Variants in HDGFL3 observed in about 807,000 individuals in gnomAD.
The protein encoded by HDGFL3 is HDGF like 3.
HDGFL3 carries 6 observed loss-of-function variants against 27.6 expected under a neutral mutation model. That is an observed-to-expected ratio of 0.22 (90% CI 0.12 to 0.43). HDGFL3 has a LOEUF of 0.43. Among genes scored for constraint, HDGFL3 ranks in the 20% least tolerant of loss-of-function variants. The pLI is 1.00. For missense variants in HDGFL3, 207 were observed against 250.1 expected (o/e 0.83, Z 1.16); for synonymous variants, 88 against 88.9 (o/e 0.99, Z 0.05).
chr15:83,125,162 T>A (rs987006772), downstream of HDGFL3, among the ~76,000 whole-genome samples: 3 of 151,840 alleles, frequency 2.0e-5, no homozygotes, highest in Admixed American at 6.6e-5. Context: ...TTCTCAGGAG[T>A]AGGGGCAATG....
chr15:83,207,447 C>T lies in HDGFL3; in HGVS notation c.-33G>A. On this transcript the variant is annotated 5_prime_UTR_variant, in exon 1 of 6. Transcript: ENST00000299633. This position sits in a 1 kb window ranked among gnomAD's most constrained non-coding sequence, Gnocchi z 4.8. ...GCTCCCCTTCCTGGTAGTCCTTGGT[C>T]GCCGCGAAGATGCCGGGAGGCCGCC... 3 of 1,272,152 alleles carry T rather than the reference C, an allele frequency of 2.4e-6. No individual in the cohort carries two copies. Among genetic ancestry groups the T allele is most frequent in the Non-Finnish European group, 3.0e-6 (3 of 999,994 alleles). The allele number at this position is 1,272,152 out of a possible 1,614,324, so 78.8% of individuals were successfully genotyped here.
Position 83,138,180 on chromosome 15 carries a change from C to T in HDGFL3, c.*1090G>A, listed in dbSNP as rs1367158925. 1 of 152,562 alleles carries T rather than the reference C, an allele frequency of 6.6e-6. No individual in the cohort carries two copies. Among genetic ancestry groups the T allele is most frequent in the Non-Finnish European group, 1.5e-5 (1 of 67,978 alleles). The allele number at this position is 152,562 out of a possible 1,614,324, so 9.5% of individuals were successfully genotyped here. A position where few individuals can be genotyped will look rare whatever the true frequency, so the allele number is the denominator to read the frequency against. Reference sequence around the variant, plus strand: ...AACCTCAAATCTTACTCCCAGTACACATTCCAATAAATTTATTCTGTAAAA... The same window carrying T: ...AACCTCAAATCTTACTCCCAGTACATATTCCAATAAATTTATTCTGTAAAA... On this transcript the variant is annotated 3_prime_UTR_variant, in exon 6 of 6. Transcript: ENST00000299633.
At chr15:83,120,104 C>T (rs373489866) in intron 3 of HDGFL3, 11 of 178,964 alleles carry the variant, frequency 6.1e-5, no homozygotes, top group Middle Eastern at 2.5e-3. Flanking sequence ...ATGGCTTGTC[C>T]GTTCACTCCT....
At chr15:83,120,132 C>G in intron 3 of HDGFL3, 1 of 172,948 alleles carries the variant, frequency 5.8e-6, no homozygotes, top group Non-Finnish European at 1.3e-5. Flanking sequence ...CACTCTGCGG[C>G]TGGCCCCTTG....
In HDGFL3 at chr15:83,136,665, T is replaced by A; in HGVS notation, c.*2605A>T. ...ATAAAAACAAAGGCAGAAGAAAAAG[T>A]GGAATAAAAATATTACTTCATGTTC... On this transcript the variant is annotated 3_prime_UTR_variant, in exon 6 of 6. Transcript: ENST00000299633. 3.1e-6 allele frequency: 5 copies of A among 1,592,838 alleles called. No individual in the cohort carries two copies. The highest frequency in any genetic ancestry group is 4.3e-6 in the Non-Finnish European group (5 of 1,174,474).
chr15:83,153,157 G>A (rs900523520), intron 4 of HDGFL3, among the ~76,000 whole-genome samples: 1 of 151,782 alleles, frequency 6.6e-6, no homozygotes, highest in African/African-American at 2.4e-5. Flanking sequence ...CTGCCACCAC[G>A]CCCGGCTAAC....
At chr15:83,172,461 C>T (rs907027625) in intron 1 of HDGFL3, among the ~76,000 whole-genome samples, 2 of 152,082 alleles carry the variant, frequency 1.3e-5, no homozygotes, top group African/African-American at 4.8e-5. Flanking sequence ...TGAAGCCTTA[C>T]CAATAACAAA....
chr15:83,173,238 C>T (rs2037268033), intron 1 of HDGFL3, among the ~76,000 whole-genome samples: 1 of 152,144 alleles, frequency 6.6e-6, no homozygotes, highest in African/African-American at 2.4e-5. Flanking sequence ...ACTTCAAATA[C>T]CCTTACAACC....
In HDGFL3 at chr15:83,132,043, A is replaced by G. The variant is rs1373661738; in HGVS notation, c.*7227T>C. 6.6e-6 allele frequency: 1 copy of G among 152,248 alleles called. No individual in the cohort carries two copies. The highest frequency in any genetic ancestry group is 1.9e-4 in the East Asian group (1 of 5,204). 9.4% of individuals were successfully genotyped at this position (152,248 alleles called of 1,614,324 possible). ...TTCAGATTCTAGCCTGTTGCTGATGAGCACAATGACCTTGGCTACTTTACC... is the reference window on the plus strand; with the variant it reads ...TTCAGATTCTAGCCTGTTGCTGATGGGCACAATGACCTTGGCTACTTTACC... On this transcript the variant is annotated 3_prime_UTR_variant, in exon 6 of 6. Coordinates refer to ENST00000299633, the MANE Select transcript of HDGFL3 (RefSeq NM_016073.4).
intron 5 of HDGFL3, among the ~76,000 whole-genome samples, chr15:83,146,095 G>C (rs2036887884): frequency 6.6e-6 from 1 of 151,520 alleles, no homozygotes; most frequent in Non-Finnish European, 1.5e-5. Flanking sequence ...ATTTTTAGTA[G>C]AGACAGGTTT....
intron 5 of HDGFL3, among the ~76,000 whole-genome samples, chr15:83,139,861 C>A (rs1851981997): frequency 6.6e-6 from 1 of 152,118 alleles, no homozygotes; most frequent in South Asian, 2.1e-4. Flanking sequence ...ATCCGTGTGA[C>A]AAACAGAAAA....
chr15:83,163,961 T>G lies in HDGFL3; in HGVS notation c.161+38A>C, dbSNP rs576569906. 5 of 1,310,718 alleles carry G rather than the reference T, an allele frequency of 3.8e-6. No homozygotes were observed. In the South Asian group the frequency reaches 5.9e-5, roughly 15 times the overall value. The allele number at this position is 1,310,718 out of a possible 1,614,324, so 81.2% of individuals were successfully genotyped here. On this transcript the variant is annotated intron_variant, in intron 2 of 5. Coordinates refer to ENST00000299633, the MANE Select transcript of HDGFL3 (RefSeq NM_016073.4). The stretch of plus-strand genomic sequence containing the variant: ...TCCATAACAATGTAGCATAGCAGAG[T>G]CAAGCTAGAGCTGTTGAAACTATTT...
At chr15:83,205,354 G>A (rs900616277) in intron 1 of HDGFL3, among the ~76,000 whole-genome samples, 1 of 152,100 alleles carries the variant, frequency 6.6e-6, no homozygotes, top group Non-Finnish European at 1.5e-5. Context: ...GTTTCTTGAG[G>A]AGCTCGTTAA....
chr15:83,127,679 C>A, downstream of HDGFL3: 1 of 494,616 alleles, frequency 2.0e-6, no homozygotes, highest in Admixed American at 3.9e-5. Context: ...GATGTGCCAT[C>A]CAGTTACACA....
At chr15:83,123,821 A>G (rs1310930870), downstream of HDGFL3, among the ~76,000 whole-genome samples, 1 of 152,256 alleles carries the variant, frequency 6.6e-6, no homozygotes, top group Non-Finnish European at 1.5e-5. Context: ...TGAGGCATGC[A>G]GAATTACTTA....
chr15:83,132,398 C>G lies in HDGFL3; in HGVS notation c.*6872G>C, dbSNP rs116677032. On this transcript the variant is annotated 3_prime_UTR_variant, in exon 6 of 6. Transcript: ENST00000299633. ...GGGCTTGGTAAGGAGCCTGCCATCC[C>G]ACAGCCAGCGAAGGAGGTTCAGTTA... 0.02 allele frequency: 3,087 copies of G among 152,308 alleles called. 102 individuals are homozygous for G. Among genetic ancestry groups the G allele is most frequent in the African/African-American group, 0.07 (2,922 of 41,520 alleles). The allele number at this position is 152,308 out of a possible 1,614,324, so 9.4% of individuals were successfully genotyped here. A position where few individuals can be genotyped will look rare whatever the true frequency, so the allele number is the denominator to read the frequency against.
At position 83,128,475 on chromosome 15, in the gene HDGFL3, C is replaced by T. The variant is rs1022013490; in HGVS notation, c.*10795G>A. 11 of 152,136 alleles carry T rather than the reference C, an allele frequency of 7.2e-5. No homozygotes were observed. The highest frequency in any genetic ancestry group is 2.7e-4 in the African/African-American group (11 of 41,416). 9.4% of individuals were successfully genotyped at this position (152,136 alleles called of 1,614,324 possible). On this transcript the variant is annotated 3_prime_UTR_variant, in exon 6 of 6. Coordinates refer to ENST00000299633, the MANE Select transcript of HDGFL3 (RefSeq NM_016073.4). ...TATTGCTCTTTGCTGGTTGTTTTTC[C>T]TTTGCAGACCTCTAAATACCTGATT... is the stretch of plus-strand genomic sequence containing the variant.
intron 1 of HDGFL3, among the ~76,000 whole-genome samples, chr15:83,190,932 T>C (rs1567176744): frequency 6.6e-6 from 1 of 152,192 alleles, no homozygotes; most frequent in Non-Finnish European, 1.5e-5. Context: ...TGGTGTGAAT[T>C]AAGGATCTAA....
intron 1 of HDGFL3, among the ~76,000 whole-genome samples, chr15:83,198,054 C>CAAAAA (rs766372255): frequency 0.23 from 13,029 of 57,234 alleles, 2,100 homozygotes; most frequent in African/African-American, 0.36. Flanking sequence ...GACTCCGTCT[C>CAAAAA]AAAAAAAAAA....
Sources: gnomAD v4.1 joint callset for allele counts (sites outside exome capture counted in the v4.1 genomes callset) on GRCh38, gnomAD v4.1.1 for gene constraint, Gnocchi (gnomAD v3.1) non-coding constraint, MANE v1.5 for transcripts, NCBI Gene and HGNC (gene_info 2026-07-23, HGNC 2026-07-21) for gene names.